The following CRHR1 variants were observed in gnomAD, a reference collection of about 807,000 sequenced individuals.
The protein encoded by CRHR1 is corticotropin releasing hormone receptor 1.
Under a neutral mutation model 56.0 loss-of-function variants are expected in CRHR1, and 28 were observed. The observed-to-expected ratio is 0.50, with a 90% CI of 0.37 to 0.69. The LOEUF (loss-of-function observed/expected upper bound fraction) is 0.69, where lower values mean the gene tolerates loss of function less well. Ranked by LOEUF, CRHR1 falls within the 30% of genes least tolerant of loss-of-function variation. The pLI is 0.00. For synonymous variants in CRHR1, 195 were observed against 216.5 expected (o/e 0.90, Z 0.87); for missense variants, 376 against 548.0 (o/e 0.69, Z 3.13).
At chr17:45,793,290 C>T (rs777470006) in intron 1 of CRHR1, among the ~76,000 whole-genome samples, 2 of 152,224 alleles carry the variant, frequency 1.3e-5, no homozygotes, top group African/African-American at 2.4e-5. Flanking sequence ...GCTTCATGAG[C>T]GGTTCTGGAC....
At position 45,830,881 on chromosome 17, in the gene CRHR1, T is replaced by G; in HGVS notation, c.711T>G (p.Gly237=). Residue 237 remains glycine, a splice_region_variant and synonymous_variant, in exon 8 of 13, where the codon GGT becomes GGG. Coordinates refer to ENST00000314537, the MANE Select transcript of CRHR1 (RefSeq NM_004382.5). ...RKWMFICIGW[G]VPFPIIVAWA... Reference sequence around the variant, plus strand: ...TGTGACAGCCCATCTCTCCCCCAGGTGTGCCCTTCCCCATCATTGTGGCCT... The same window carrying G: ...TGTGACAGCCCATCTCTCCCCCAGGGGTGCCCTTCCCCATCATTGTGGCCT... The G allele has an allele frequency of 6.2e-7, 1 of 1,613,728 alleles. No homozygotes were observed. Among genetic ancestry groups the G allele is most frequent in the Non-Finnish European group, 8.5e-7 (1 of 1,179,826 alleles).
Position 45,834,886 on chromosome 17 carries a change from C to T in CRHR1, c.*122C>T. On this transcript the variant is annotated 3_prime_UTR_variant, in exon 13 of 13. Transcript: ENST00000314537. Reference sequence around the variant, plus strand: ...CTCATGCCCACTCCCCCAGGAGCAGCTGGCACTGACAGCCTGGGGGGGCCG... The same window carrying T: ...CTCATGCCCACTCCCCCAGGAGCAGTTGGCACTGACAGCCTGGGGGGGCCG... 7.4e-7 allele frequency: 1 copy of T among 1,355,910 alleles called. No individual in the cohort carries two copies. The highest frequency in any genetic ancestry group is 1.0e-6 in the Non-Finnish European group (1 of 990,554). 84.0% of individuals were successfully genotyped at this position (1,355,910 alleles called of 1,614,324 possible).
intron 2 of CRHR1, among the ~76,000 whole-genome samples, chr17:45,807,655 T>A (rs1477855658): frequency 6.6e-6 from 1 of 152,182 alleles, no homozygotes; most frequent in Non-Finnish European, 1.5e-5. Flanking sequence ...GAGCCCTGAG[T>A]GGAGCACGGG....
At chr17:45,823,074 G>A (rs887506013) in intron 4 of CRHR1, among the ~76,000 whole-genome samples, 2 of 151,360 alleles carry the variant, frequency 1.3e-5, no homozygotes, top group African/African-American at 4.9e-5. Flanking sequence ...AACCAGGGAG[G>A]CGGAGGTTGC....
Position 45,835,716 on chromosome 17 carries a change from A to G in CRHR1, c.*952A>G, listed in dbSNP as rs1404519177. The G allele has an allele frequency of 1.3e-5, 2 of 152,298 alleles. No homozygotes were observed. Among genetic ancestry groups the G allele is most frequent in the East Asian group, 1.9e-4 (1 of 5,202 alleles). The allele number at this position is 152,298 out of a possible 1,614,324, so 9.4% of individuals were successfully genotyped here. On this transcript the variant is annotated 3_prime_UTR_variant, in exon 13 of 13. Transcript: ENST00000314537. ...GGCCGCAGCCCCCACTGACCTGCCC[A>G]TGTCCAGAGGGACTGGACAGCCAGG...
Position 45,834,731 on chromosome 17 carries a change from C to T in CRHR1, c.1215C>T (p.Ser405=). The change falls in exon 13 of 13, where the codon AGC becomes AGT. Residue 405 remains serine (S), a synonymous_variant. Coordinates refer to ENST00000314537, the MANE Select transcript of CRHR1 (RefSeq NM_004382.5). ...MSIPTSPTRV[S]FHSIKQSTAV ...TCCCCACCTCCCCAACCCGTGTCAG[C>T]TTTCACAGCATCAAGCAGTCCACAG... 6.2e-7 allele frequency: 1 copy of T among 1,613,816 alleles called. No homozygotes were observed. The highest frequency in any genetic ancestry group is 8.5e-7 in the Non-Finnish European group (1 of 1,179,996).
chr17:45,827,509 C>T (rs527255962), intron 4 of CRHR1: 5 of 152,372 alleles, frequency 3.3e-5, no homozygotes, highest in Non-Finnish European at 5.9e-5. Context: ...GGGCATCTGC[C>T]GCCAGGCGCT....
intron 1 of CRHR1, among the ~76,000 whole-genome samples, chr17:45,804,408 G>A (rs1434032292): frequency 6.6e-6 from 1 of 152,154 alleles, no homozygotes; most frequent in Non-Finnish European, 1.5e-5. Flanking sequence ...CATGGGTAGT[G>A]GGGACCAGGC....
intron 2 of CRHR1, among the ~76,000 whole-genome samples, chr17:45,810,673 C>G (rs2061805599): frequency 6.6e-6 from 1 of 152,166 alleles, no homozygotes; most frequent in African/African-American, 2.4e-5. Context: ...CCATGCCTCC[C>G]GTATGCCTGG....
At chr17:45,816,365 A>G (rs1598427277) in intron 2 of CRHR1, 98 bp from the exon 3 acceptor site, 11 of 1,510,066 alleles carry the variant, frequency 7.3e-6, no homozygotes, top group Middle Eastern at 4.6e-4. Flanking sequence ...GTGAGTGGGA[A>G]CGAGTGGGGA....
chr17:45,818,104 T>C lies in CRHR1; in HGVS notation c.241+1522T>C, dbSNP rs572395333. On this transcript the variant is annotated intron_variant, in intron 3 of 12. Transcript: ENST00000314537. ...CAGGAGGAGGCACCAGTTCCTGTCA[T>C]GTCCACTTCCAGAGTGATCCTCGTG... Among the ~76,000 whole-genome samples the C allele has an allele frequency of 7.2e-5, 11 of 152,330 alleles. No homozygotes were observed. The South Asian group carries it at 1.7e-3, about 23-fold the overall frequency.
At chr17:45,834,572 AG>A (rs2062394814) in intron 12 of CRHR1, 51 bp from the exon 13 acceptor site, 1 of 1,556,872 alleles carries the variant, frequency 6.4e-7, no homozygotes, top group Admixed American at 1.8e-5. Context: ...CAGGGGAGGG[AG>A]GGGGTCCTGA....
intron 2 of CRHR1, among the ~76,000 whole-genome samples, chr17:45,809,534 G>T (rs932656862): frequency 6.6e-6 from 1 of 152,234 alleles, no homozygotes; most frequent in Non-Finnish European, 1.5e-5. Flanking sequence ...TGTACTCTGT[G>T]CCCGTGCCCC....
intron 2 of CRHR1, among the ~76,000 whole-genome samples, chr17:45,811,916 C>T (rs943565768): frequency 2.0e-5 from 3 of 152,126 alleles, no homozygotes; most frequent in Non-Finnish European, 2.9e-5. Context: ...GAGGACAGGG[C>T]ATTTATTTGA....
chr17:45,808,993 G>C lies in CRHR1; in HGVS notation c.121+1896G>C, dbSNP rs535631279. ...GAAGGGAAGGTACTTGCCAGTAATT[G>C]CTCATAATGATGGAGGGAGCAGGGA... is the stretch of plus-strand genomic sequence containing the variant. On this transcript the variant is annotated intron_variant, in intron 2 of 12. Transcript: ENST00000314537. Among the ~76,000 whole-genome samples the C allele has an allele frequency of 2.6e-5, 4 of 152,330 alleles. No individual in the cohort carries two copies. The East Asian group carries it at 5.8e-4, about 22-fold the overall frequency.
intron 1 of CRHR1, among the ~76,000 whole-genome samples, chr17:45,788,987 C>T (rs893569702): frequency 6.6e-6 from 1 of 152,182 alleles, no homozygotes; most frequent in African/African-American, 2.4e-5. Context: ...ACTAGAACTC[C>T]CCCTTAAGCC....
chr17:45,790,010 A>G (rs112520583), intron 1 of CRHR1, among the ~76,000 whole-genome samples: 4 of 152,302 alleles, frequency 2.6e-5, no homozygotes, highest in African/African-American at 9.6e-5. Flanking sequence ...CAACTTCCTC[A>G]GTCTAAGAAA....
chr17:45,819,391 GC>G (rs2061993629), intron 3 of CRHR1, among the ~76,000 whole-genome samples: 1 of 152,120 alleles, frequency 6.6e-6, no homozygotes, highest in African/African-American at 2.4e-5. Flanking sequence ...GGGTCCAGGG[GC>G]CACGCTCTTA....
At chr17:45,825,221 C>T (rs1254968968) in intron 4 of CRHR1, among the ~76,000 whole-genome samples, 1 of 152,178 alleles carries the variant, frequency 6.6e-6, no homozygotes, top group Non-Finnish European at 1.5e-5. Context: ...TGCAAGGGCA[C>T]CTCAAGGCCA....
Sources: gnomAD v4.1 joint callset for allele counts (sites outside exome capture counted in the v4.1 genomes callset) on GRCh38, gnomAD v4.1.1 for gene constraint, MANE v1.5 for transcripts, NCBI Gene and HGNC (gene_info 2026-07-23, HGNC 2026-07-21) for gene names.